The following GPC6 variants were observed in gnomAD, a reference collection of about 807,000 sequenced individuals.
GPC6 encodes the protein glypican 6, also known as glypican-6.
Under a neutral mutation model 55.2 loss-of-function variants are expected in GPC6, and 14 were observed. The observed-to-expected ratio is 0.25, with a 90% confidence interval of 0.17 to 0.40. The LOEUF (loss-of-function observed/expected upper bound fraction) is 0.40. Among genes scored for constraint, GPC6 ranks in the 10% least tolerant of loss-of-function variants. The pLI is 1.00. For missense variants in GPC6, 641 were observed against 708.5 expected, an observed-to-expected ratio of 0.90 and a Z score of 1.08; for synonymous variants, 278 against 259.6, an observed-to-expected ratio of 1.07 and a Z score of -0.68.
chr13:93,422,167 C>T (rs995639484), intron 1 of GPC6, among the ~76,000 whole-genome samples: 4 of 152,080 alleles, frequency 2.6e-5, no homozygotes, highest in East Asian at 3.8e-4. Context: ...CACTCTTCCC[C>T]CACGATTATT....
chr13:93,761,946 A>G (rs1884968252), intron 2 of GPC6, among the ~76,000 whole-genome samples: 1 of 152,174 alleles, frequency 6.6e-6, no homozygotes, highest in Non-Finnish European at 1.5e-5. Flanking sequence ...TCTGTCCAAT[A>G]GAACACCAGA....
intron 2 of GPC6, among the ~76,000 whole-genome samples, chr13:93,677,406 A>G (rs1347991389): frequency 1.3e-5 from 2 of 152,252 alleles, no homozygotes; most frequent in East Asian, 3.9e-4. Flanking sequence ...AAGGCAAAAC[A>G]GTGATTGGTA....
At chr13:93,859,516 G>C (rs1244664984) in intron 3 of GPC6, among the ~76,000 whole-genome samples, 1 of 151,620 alleles carries the variant, frequency 6.6e-6, no homozygotes, top group South Asian at 2.1e-4. Context: ...AAAGTTGGGT[G>C]ATTTTTGTCC....
chr13:93,729,365 G>A (rs905660387), intron 2 of GPC6, among the ~76,000 whole-genome samples: 2 of 152,098 alleles, frequency 1.3e-5, no homozygotes, highest in African/African-American at 4.8e-5. Flanking sequence ...ACAGCATTAG[G>A]TGCTCTATGT....
At chr13:93,821,203 T>C (rs1475015538) in intron 2 of GPC6, among the ~76,000 whole-genome samples, 1 of 152,210 alleles carries the variant, frequency 6.6e-6, no homozygotes, top group African/African-American at 2.4e-5. Context: ...TTGGTTTTTT[T>C]CTTTGTATTC....
At chr13:93,795,723 A>T (rs1009493151) in intron 2 of GPC6, among the ~76,000 whole-genome samples, 1 of 152,234 alleles carries the variant, frequency 6.6e-6, no homozygotes, top group African/African-American at 2.4e-5. Context: ...TTCACATATT[A>T]GTAGGTATCA....
chr13:93,676,362 AGCTGAG>A (rs1447474351), intron 2 of GPC6, among the ~76,000 whole-genome samples: 12 of 151,692 alleles, frequency 7.9e-5, no homozygotes, highest in African/African-American at 2.9e-4. Flanking sequence ...GGTTGCAGTG[AGCTGAG>A]ATCACACCAC....
At chr13:93,626,455 A>G (rs1032095658) in intron 2 of GPC6, among the ~76,000 whole-genome samples, 4 of 151,930 alleles carry the variant, frequency 2.6e-5, no homozygotes, top group African/African-American at 9.7e-5. Flanking sequence ...AGATGTTACA[A>G]TTTTTCTGCC....
At chr13:94,402,814 C>A (rs540213661) in intron 8 of GPC6, among the ~76,000 whole-genome samples, 3 of 152,274 alleles carry the variant, frequency 2.0e-5, no homozygotes, top group African/African-American at 7.2e-5. Context: ...CCTTAAAAAA[C>A]CATCAGATCT....
At chr13:93,756,332 C>G (rs1167469468) in intron 2 of GPC6, among the ~76,000 whole-genome samples, 4 of 152,158 alleles carry the variant, frequency 2.6e-5, no homozygotes, top group African/African-American at 9.7e-5. Context: ...CACCCATTTT[C>G]TTACACTACA....
intron 4 of GPC6, among the ~76,000 whole-genome samples, chr13:94,195,816 C>T (rs2138968784): frequency 6.6e-6 from 1 of 152,274 alleles, no homozygotes; most frequent in South Asian, 2.1e-4. Flanking sequence ...GAGCCCATAC[C>T]AAGGTACTCA....
At chr13:93,922,810 G>T (rs1877644999) in intron 3 of GPC6, among the ~76,000 whole-genome samples, 1 of 151,974 alleles carries the variant, frequency 6.6e-6, no homozygotes, top group Admixed American at 6.6e-5. Flanking sequence ...GTTCCTTTAG[G>T]CTAAGCCTCT....
intron 1 of GPC6, among the ~76,000 whole-genome samples, chr13:93,231,425 GTATATATATATAT>G (rs1876056967): frequency 5.9e-5 from 1 of 17,026 alleles, no homozygotes; most frequent in African/African-American, 1.8e-4. Context: ...ATATATATAC[GTATATATATATAT>G]ATAGTCTGGT....
At chr13:93,427,264 T>A (rs1877175144) in intron 1 of GPC6, among the ~76,000 whole-genome samples, 1 of 151,890 alleles carries the variant, frequency 6.6e-6, no homozygotes, top group Non-Finnish European at 1.5e-5. Flanking sequence ...AAAGTTCATA[T>A]GGAACCAAAA....
At chr13:93,383,741 T>C (rs1875281236) in intron 1 of GPC6, among the ~76,000 whole-genome samples, 3 of 152,142 alleles carry the variant, frequency 2.0e-5, no homozygotes, top group South Asian at 4.1e-4. Context: ...AATTTTTTTT[T>C]TTTTAATAGG....
At chr13:94,311,294 G>C (rs146950932) in intron 6 of GPC6, among the ~76,000 whole-genome samples, 17 of 150,980 alleles carry the variant, frequency 1.1e-4, no homozygotes, top group Non-Finnish European at 2.2e-4. Context: ...TTGGCCTCCC[G>C]AGTAGCTGGG....
rs189742498 is a variant in GPC6 at position 93,596,634 on chromosome 13, T to A, written c.319+51213T>A. On this transcript the variant is annotated intron_variant, in intron 2 of 8. Coordinates refer to ENST00000377047, the MANE Select transcript of GPC6 (RefSeq NM_005708.5). The stretch of plus-strand genomic sequence containing the variant: ...AAATATATATATATATATATATATA[T>A]AATGTATATGTGTGTATATGCATAT... Among the ~76,000 whole-genome samples, 472 of 131,036 alleles carry A rather than the reference T, an allele frequency of 3.6e-3. 1 individual carries two copies. The highest frequency in any genetic ancestry group is 0.012 in the African/African-American group (430 of 36,914). 86.0% of individuals were successfully genotyped at this position (131,036 alleles called of 152,430 possible). A position where few individuals can be genotyped will look rare whatever the true frequency, so the allele number is the denominator to read the frequency against.
intron 2 of GPC6, among the ~76,000 whole-genome samples, chr13:93,696,252 C>A (rs1331083361): frequency 6.6e-6 from 1 of 152,070 alleles, no homozygotes; most frequent in African/African-American, 2.4e-5. Context: ...TCATTTCCAA[C>A]TGATGTAAAT....
intron 2 of GPC6, among the ~76,000 whole-genome samples, chr13:93,777,095 T>A (rs1885495227): frequency 6.6e-6 from 1 of 152,194 alleles, no homozygotes. Flanking sequence ...TCCTCAATCT[T>A]CTGACCTCAG....
Sources: gnomAD v4.1 joint callset for allele counts (sites outside exome capture counted in the v4.1 genomes callset) on GRCh38, gnomAD v4.1.1 for gene constraint, MANE v1.5 for transcripts, NCBI Gene and HGNC (gene_info 2026-07-23, HGNC 2026-07-21) for gene names.